Variants in UTRN observed in about 807,000 individuals in gnomAD.
UTRN encodes the protein utrophin, also known as dystrophin-related protein 1.
UTRN carries 283 observed loss-of-function variants against 463.9 expected under a neutral mutation model. The observed-to-expected ratio is 0.61, with a 90% confidence interval of 0.55 to 0.67. UTRN has a LOEUF of 0.67. UTRN is among the 30% of genes least tolerant of loss of function. The pLI, the probability that UTRN is intolerant of heterozygous loss-of-function variation, is 0.00. For missense variants in UTRN, 3,922 were observed against 4,084.3 expected (o/e 0.96, Z 1.08); for synonymous variants, 1,442 against 1,431.5 (o/e 1.01, Z -0.17).
At position 144,828,832 on chromosome 6, in the gene UTRN, T is replaced by C. The variant is rs1369538020; in HGVS notation, c.9642T>C (p.Asp3214=). The C allele has an allele frequency of 1.9e-6, 3 of 1,613,484 alleles. No individual in the cohort carries two copies. The highest frequency in any genetic ancestry group is 1.1e-5 in the South Asian group (1 of 91,066). The change falls in exon 69 of 75, where the codon GAT becomes GAC. Residue 3214 remains aspartate (D), a synonymous_variant. Coordinates refer to ENST00000367545, the MANE Select transcript of UTRN (RefSeq NM_007124.3). ...MERTNGSFLT[D]SSSTTGSVED... ...GGACTAATGGGTCTTTTCTCACTGA[T>C]AGCAGCTCCACCACAGGAAGTGTGT... is the stretch of plus-strand genomic sequence containing the variant.
intron 53 of UTRN, among the ~76,000 whole-genome samples, chr6:144,727,122 G>A (rs1787959171): frequency 6.6e-6 from 1 of 152,114 alleles, no homozygotes. Flanking sequence ...AAAAGATCTG[G>A]ATTTGCCTGT....
intron 2 of UTRN, among the ~76,000 whole-genome samples, chr6:144,375,088 A>G (rs1191833755): frequency 2.0e-5 from 3 of 152,198 alleles, no homozygotes; most frequent in East Asian, 3.8e-4. Flanking sequence ...GCTACATAGT[A>G]TGAGACTTCT....
At position 144,462,819 on chromosome 6, in the gene UTRN, G is replaced by T. The variant is rs1192212084; in HGVS notation, c.3019G>T (p.Asp1007Tyr). Residue 1007 changes from aspartate (D) to tyrosine (Y), a missense_variant, in exon 23 of 75, where the codon GAT becomes TAT. Physicochemically the swap from Asp to Tyr is radical, Grantham distance 160 (BLOSUM62 -3). Around this residue, in one of 3 missense-constraint regions of UTRN, gnomAD observed 2,349 missense variants for 2,303.8 expected, o/e 1.02. Transcript: ENST00000367545. ...WNKLKVLVSK[D>Y]LHLLEEIALT... is the part of the protein sequence containing the mutation. ...CAAGCTAAAGGTCTTGGTTTCCAAA[G>T]ATCTACATTTGCTTGAGGAAATTGC... 1.2e-6 allele frequency: 2 copies of T among 1,608,926 alleles called. No individual in the cohort carries two copies. Among genetic ancestry groups the T allele is most frequent in the Admixed American group, 3.4e-5 (2 of 58,810 alleles).
chr6:144,434,496 G>A (rs1786340383), intron 9 of UTRN, among the ~76,000 whole-genome samples: 1 of 152,160 alleles, frequency 6.6e-6, no homozygotes, highest in African/African-American at 2.4e-5. Flanking sequence ...CTACTGAGTT[G>A]GAGAAGTCTG....
At chr6:144,364,828 G>A (rs955531099) in intron 2 of UTRN, among the ~76,000 whole-genome samples, 1 of 152,138 alleles carries the variant, frequency 6.6e-6, no homozygotes, top group Non-Finnish European at 1.5e-5. Flanking sequence ...CTTGGCTCAT[G>A]GCTCTCTTTA....
chr6:144,746,496 T>A (rs770805787), intron 54 of UTRN, among the ~76,000 whole-genome samples: 2 of 152,014 alleles, frequency 1.3e-5, no homozygotes, highest in Non-Finnish European at 2.9e-5. Context: ...TTATTTTTAT[T>A]TTTTTGAGAT....
intron 2 of UTRN, chr6:144,330,962 G>A (rs1021548318): frequency 5.1e-6 from 5 of 985,242 alleles, no homozygotes; most frequent in Admixed American, 1.2e-4. Context: ...CTGAGCCGAC[G>A]AGAAATGGAA....
chr6:144,435,138 G>A (rs1443030200), intron 9 of UTRN, among the ~76,000 whole-genome samples: 3 of 152,122 alleles, frequency 2.0e-5, no homozygotes, highest in African/African-American at 7.2e-5. Flanking sequence ...TTTTTGTATT[G>A]TTCTCTATAC....
chr6:144,719,508 C>T (rs1453155697), intron 53 of UTRN, among the ~76,000 whole-genome samples: 6 of 152,040 alleles, frequency 3.9e-5, no homozygotes, highest in Non-Finnish European at 5.9e-5. Context: ...ACCCAGGAGG[C>T]GGAGGTTGTG....
chr6:144,524,456 GC>G lies in UTRN; in HGVS notation c.5906+1270del, dbSNP rs535842145. ...TTTTTTTATTATTTAAAAAAACTTT[GC>G]CAGTTTAATAGTGATAGATTACATC... On this transcript the variant is annotated intron_variant, in intron 41 of 74. Transcript: ENST00000367545. 3.7e-3 allele frequency among the ~76,000 whole-genome samples: 553 copies of G among 151,380 alleles called. 2 individuals are homozygous for G. Among genetic ancestry groups the G allele is most frequent in the African/African-American group, 0.013 (537 of 41,230 alleles).
intron 4 of UTRN, among the ~76,000 whole-genome samples, chr6:144,422,895 C>G (rs1486996968): frequency 6.6e-6 from 1 of 152,176 alleles, no homozygotes; most frequent in East Asian, 1.9e-4. Context: ...TCTTTGCCCT[C>G]CAGGTAGTGG....
At chr6:144,419,683 C>T (rs977454506) in intron 3 of UTRN, among the ~76,000 whole-genome samples, 18 of 152,196 alleles carry the variant, frequency 1.2e-4, no homozygotes, top group Admixed American at 1.0e-3. Flanking sequence ...TAAATTATGC[C>T]TTGTAAAAAA....
At chr6:144,564,194 T>C (rs1221023605) in intron 50 of UTRN, among the ~76,000 whole-genome samples, 1 of 152,090 alleles carries the variant, frequency 6.6e-6, no homozygotes, top group Non-Finnish European at 1.5e-5. Context: ...AAATAATACA[T>C]AATTATAGGA....
At chr6:144,439,249 C>T (rs1014736375) in intron 12 of UTRN, among the ~76,000 whole-genome samples, 1 of 152,090 alleles carries the variant, frequency 6.6e-6, no homozygotes, top group Non-Finnish European at 1.5e-5. Flanking sequence ...TTCAGGAAAG[C>T]GTCAGGCATT....
chr6:144,421,617 A>G (rs1371079195), intron 3 of UTRN, among the ~76,000 whole-genome samples: 1 of 151,894 alleles, frequency 6.6e-6, no homozygotes, highest in Non-Finnish European at 1.5e-5. Context: ...TGAACCCTGG[A>G]GGCGGAGGTT....
chr6:144,493,554 C>A, intron 33 of UTRN, 98 bp downstream of exon 33: 1 of 1,356,454 alleles, frequency 7.4e-7, no homozygotes, highest in Non-Finnish European at 9.7e-7. Context: ...TTTTAAATTT[C>A]ATTTTTTGGA....
intron 67 of UTRN, 79 bp downstream of exon 67, chr6:144,827,465 C>A: frequency 1.2e-6 from 2 of 1,604,286 alleles, no homozygotes; most frequent in South Asian, 2.2e-5. Context: ...AACTCTTGGT[C>A]TAAAATAATA....
At chr6:144,774,972 C>A (rs966686255) in intron 60 of UTRN, among the ~76,000 whole-genome samples, 2 of 152,152 alleles carry the variant, frequency 1.3e-5, no homozygotes, top group African/African-American at 4.8e-5. Flanking sequence ...GAATACTTAG[C>A]ATATAGATTT....
chr6:144,507,623 C>G (rs1371653788), intron 34 of UTRN, among the ~76,000 whole-genome samples: 1 of 152,112 alleles, frequency 6.6e-6, no homozygotes, highest in Non-Finnish European at 1.5e-5. Context: ...GCTCCCTGCT[C>G]CTTCCTCTGG....
Sources: gnomAD v4.1 joint callset for allele counts (sites outside exome capture counted in the v4.1 genomes callset) on GRCh38, gnomAD v4.1.1 for gene constraint, gnomAD v4.1.1 regional missense constraint, MANE v1.5 for transcripts, NCBI Gene and HGNC (gene_info 2026-07-23, HGNC 2026-07-21) for gene names.